The following CMIP variants were observed in gnomAD, a reference collection of about 807,000 sequenced individuals.
CMIP encodes C-Maf-inducing protein.
CMIP carries 13 observed loss-of-function variants against 97.3 expected under a neutral mutation model. The ratio of observed to expected loss-of-function variants is 0.13; its 90% CI spans 0.09 to 0.21. The LOEUF is 0.21. Among genes scored for constraint, CMIP ranks in the 10% least tolerant of loss-of-function variants. The probability of loss-of-function intolerance (pLI) is 1.00; values close to 1 mark genes in which losing one functional copy is unlikely to be tolerated. For missense variants in CMIP, 847 were observed against 1,024.9 expected, an observed-to-expected ratio of 0.83 and a Z score of 2.37; for synonymous variants, 538 against 436.3, an observed-to-expected ratio of 1.23 and a Z score of -2.91.
chr16:81,504,358 C>T (rs904012704), intron 1 of CMIP, among the ~76,000 whole-genome samples: 3 of 151,062 alleles, frequency 2.0e-5, no homozygotes, highest in African/African-American at 2.4e-5. Context: ...AAATGGCCAG[C>T]GGGGCTGGGC....
At chr16:81,592,116 G>T (rs774110030) in intron 1 of CMIP, among the ~76,000 whole-genome samples, 5 of 152,126 alleles carry the variant, frequency 3.3e-5, no homozygotes, top group African/African-American at 4.8e-5. Flanking sequence ...GAGCCACTGC[G>T]CCTGGCTGCA....
chr16:81,705,355 C>T lies in CMIP; in HGVS notation c.2092-144C>T, dbSNP rs968179945. On this transcript the variant is annotated intron_variant, in intron 18 of 20. Coordinates refer to ENST00000537098, the MANE Select transcript of CMIP (RefSeq NM_198390.3). The stretch of plus-strand genomic sequence containing the variant: ...CGTGGGATTGTTTAGGGGACGTGAA[C>T]GCAGCCCAGACCCCAGGGCTTGGTG... The T allele has an allele frequency of 3.9e-5, 23 of 591,578 alleles. No homozygotes were observed. The East Asian group carries it at 4.9e-4, about 13-fold the overall frequency. The allele number at this position is 591,578 out of a possible 1,614,324, so 36.6% of individuals were successfully genotyped here. A position where few individuals can be genotyped will look rare whatever the true frequency, so the allele number is the denominator to read the frequency against.
intron 1 of CMIP, among the ~76,000 whole-genome samples, chr16:81,523,139 C>G (rs1258438334): frequency 6.6e-6 from 1 of 152,136 alleles, no homozygotes; most frequent in African/African-American, 2.4e-5. Flanking sequence ...AGACTGGCCT[C>G]GAATTCCTGG....
Position 81,586,401 on chromosome 16 carries a change from C to T in CMIP, c.301-21166C>T, listed in dbSNP as rs72829077. On this transcript the variant is annotated intron_variant, in intron 1 of 20. Transcript: ENST00000537098. Reference sequence around the variant, plus strand: ...GAAAGAGATAGTCGTTCACTGCCTACTTGTTTGTAGACAGTAGCAACAGTG... The same window carrying T: ...GAAAGAGATAGTCGTTCACTGCCTATTTGTTTGTAGACAGTAGCAACAGTG... Among the ~76,000 whole-genome samples, 1,269 of 152,292 alleles carry T rather than the reference C, an allele frequency of 8.3e-3. 9 individuals are homozygous for T. The highest frequency in any genetic ancestry group is 0.014 in the Non-Finnish European group (964 of 68,030).
chr16:81,484,188 GTCGCCCTTCCCTGGCGGACC>G (rs1204294569), intron 1 of CMIP, among the ~76,000 whole-genome samples: 7 of 152,158 alleles, frequency 4.6e-5, no homozygotes, highest in African/African-American at 1.7e-4. Context: ...CCAGGTGGAA[GTCGCCCTTCCCTGGCGGACC>G]TCGCCCGTTC....
chr16:81,570,623 G>A (rs1011816940), intron 1 of CMIP, among the ~76,000 whole-genome samples: 1 of 152,154 alleles, frequency 6.6e-6, no homozygotes, highest in Non-Finnish European at 1.5e-5. Flanking sequence ...GCCCCAGCAG[G>A]TCCCTGGGAG....
intron 3 of CMIP, among the ~76,000 whole-genome samples, chr16:81,625,750 G>A (rs1383639079): frequency 1.3e-5 from 2 of 152,212 alleles, no homozygotes; most frequent in African/African-American, 2.4e-5. Flanking sequence ...GAGGAGCCCC[G>A]AGAAGCCAGG....
chr16:81,463,102 A>G (rs1023623145), intron 1 of CMIP, among the ~76,000 whole-genome samples: 2 of 152,216 alleles, frequency 1.3e-5, no homozygotes, highest in African/African-American at 4.8e-5. Flanking sequence ...CGATGAGTGC[A>G]GGTCTAATGG....
intron 3 of CMIP, among the ~76,000 whole-genome samples, chr16:81,634,279 C>T (rs571598806): frequency 1.3e-5 from 2 of 152,302 alleles, no homozygotes; most frequent in South Asian, 4.1e-4. Flanking sequence ...TCATTATTTT[C>T]TTTAGGCTGC....
At position 81,678,461 on chromosome 16, in the gene CMIP, A is replaced by G. The variant is rs1567656187; in HGVS notation, c.1221A>G (p.Glu407=). Residue 407 remains glutamate (E), a synonymous_variant, in exon 10 of 21, where the codon GAA becomes GAG. Coordinates refer to ENST00000537098, the MANE Select transcript of CMIP (RefSeq NM_198390.3). ...VASSEIHVEV[E]RTSTAKPALT... ...CCAGTGAGATCCACGTGGAGGTGGA[A>G]CGCACCAGCACTGCCAAGCCGGCGC... The G allele has an allele frequency of 6.3e-7, 1 of 1,591,126 alleles. No individual in the cohort carries two copies.
chr16:81,468,700 CAG>C (rs1907351903), intron 1 of CMIP, among the ~76,000 whole-genome samples: 1 of 152,230 alleles, frequency 6.6e-6, no homozygotes, highest in Non-Finnish European at 1.5e-5. Flanking sequence ...GAGGGTGACT[CAG>C]GGTGGGCACT....
intron 9 of CMIP, among the ~76,000 whole-genome samples, chr16:81,672,334 T>C (rs1010988842): frequency 1.3e-5 from 2 of 152,240 alleles, no homozygotes; most frequent in Non-Finnish European, 2.9e-5. Flanking sequence ...ACAGATGTTT[T>C]ATGCTGAAGA....
rs571430710 is a variant in CMIP at position 81,584,807 on chromosome 16, A to G, written c.301-22760A>G. Among the ~76,000 whole-genome samples the G allele has an allele frequency of 2.0e-5, 3 of 152,318 alleles. No individual in the cohort carries two copies. The East Asian group carries it at 5.8e-4, about 29-fold the overall frequency. On this transcript the variant is annotated intron_variant, in intron 1 of 20. Coordinates refer to ENST00000537098, the MANE Select transcript of CMIP (RefSeq NM_198390.3). Reference sequence around the variant, plus strand: ...CTAGTACTTCATTCTCCCTCTGTCCAGTAAAGGAACGCTTCTGCAAGGAAG... The same window carrying G: ...CTAGTACTTCATTCTCCCTCTGTCCGGTAAAGGAACGCTTCTGCAAGGAAG...
At chr16:81,679,003 T>A (rs1904588598) in intron 10 of CMIP, among the ~76,000 whole-genome samples, 1 of 152,040 alleles carries the variant, frequency 6.6e-6, no homozygotes, top group African/African-American at 2.4e-5. Flanking sequence ...TCTACATGAG[T>A]TTGTGTGTGT....
intron 1 of CMIP, among the ~76,000 whole-genome samples, chr16:81,498,522 C>T (rs928189750): frequency 6.6e-6 from 1 of 152,214 alleles, no homozygotes; most frequent in Non-Finnish European, 1.5e-5. Flanking sequence ...TATCAGGCCT[C>T]TGCTCCTCGC....
intron 5 of CMIP, among the ~76,000 whole-genome samples, chr16:81,658,460 C>T (rs542710660): frequency 1.2e-4 from 18 of 152,316 alleles, no homozygotes; most frequent in African/African-American, 4.1e-4. Context: ...AAAGTGATCA[C>T]CGCAAAAAAT....
intron 1 of CMIP, among the ~76,000 whole-genome samples, chr16:81,494,728 C>T (rs1400092986): frequency 6.6e-6 from 1 of 152,220 alleles, no homozygotes; most frequent in African/African-American, 2.4e-5. Flanking sequence ...TGTGCTCTTT[C>T]GACTCCTGGA....
chr16:81,597,082 T>G (rs1459170210), intron 1 of CMIP, among the ~76,000 whole-genome samples: 7 of 152,178 alleles, frequency 4.6e-5, no homozygotes, highest in Admixed American at 4.6e-4. Context: ...TAGTTTCTAG[T>G]TTGGGCTACC....
chr16:81,694,822 C>T (rs1029862523), intron 13 of CMIP, among the ~76,000 whole-genome samples: 2 of 152,184 alleles, frequency 1.3e-5, no homozygotes, highest in African/African-American at 2.4e-5. Context: ...TTCCAAAACA[C>T]CGCAATTCTA....
Sources: allele counts gnomAD v4.1 joint callset (sites outside exome capture counted in the v4.1 genomes callset), GRCh38; gene constraint gnomAD v4.1.1; transcripts MANE v1.5; gene names NCBI Gene and HGNC (gene_info 2026-07-23, HGNC 2026-07-21).